The following LNPK variants were observed in gnomAD, a reference collection of about 807,000 sequenced individuals.
The protein encoded by LNPK is endoplasmic reticulum junction formation protein lunapark.
Under a neutral mutation model 55.2 loss-of-function variants are expected in LNPK, and 29 were observed. The ratio of observed to expected loss-of-function variants is 0.53; its 90% CI spans 0.39 to 0.72. LNPK has a LOEUF of 0.72. Among genes scored for constraint, LNPK ranks in the 30% least tolerant of loss-of-function variants. LNPK has a pLI of 0.00. For synonymous variants in LNPK, 162 were observed against 168.2 expected, an observed-to-expected ratio of 0.96 and a Z score of 0.29; for missense variants, 467 against 494.8, an observed-to-expected ratio of 0.94 and a Z score of 0.53.
intron 9 of LNPK, among the ~76,000 whole-genome samples, chr2:175,941,816 A>AAAAGAG (rs1684859505): frequency 6.7e-6 from 1 of 149,098 alleles, no homozygotes. Context: ...AAGAAAAAGA[A>AAAAGAG]AAAGAAGAGA....
intron 8 of LNPK, among the ~76,000 whole-genome samples, chr2:175,957,827 T>C (rs1285160529): frequency 2.0e-5 from 3 of 152,186 alleles, no homozygotes; most frequent in African/African-American, 7.2e-5. Context: ...TCACAGACAC[T>C]ACCTGGAAAA....
intron 4 of LNPK, among the ~76,000 whole-genome samples, chr2:175,984,174 CAAAGAA>C (rs1179002201): frequency 1.4e-5 from 2 of 145,352 alleles, no homozygotes; most frequent in African/African-American, 5.2e-5. Flanking sequence ...ATATATCCAA[CAAAGAA>C]CTTTTTTTTT....
At chr2:175,934,116 G>T (rs149411473) in intron 12 of LNPK, among the ~76,000 whole-genome samples, 1 of 152,166 alleles carries the variant, frequency 6.6e-6, no homozygotes, top group South Asian at 2.1e-4. Context: ...AAAGATCTCT[G>T]TGTCTAAAAC....
chr2:175,967,761 G>A (rs1024080117), intron 6 of LNPK: 7 of 972,562 alleles, frequency 7.2e-6, no homozygotes, highest in Admixed American at 6.2e-5. Context: ...CACAATAATA[G>A]TCACATCTTT....
At chr2:175,994,221 T>A in intron 2 of LNPK, 7 of 975,904 alleles carry the variant, frequency 7.2e-6, no homozygotes, top group Non-Finnish European at 8.5e-6. Context: ...GTTAACCATA[T>A]GAAACTGACA....
chr2:175,989,672 T>C (rs1559072985), intron 4 of LNPK, among the ~76,000 whole-genome samples: 1 of 152,158 alleles, frequency 6.6e-6, no homozygotes, highest in Non-Finnish European at 1.5e-5. Flanking sequence ...CACTACGGTG[T>C]GTAGCCTTAA....
At chr2:175,995,167 G>A (rs751380803) in intron 2 of LNPK, among the ~76,000 whole-genome samples, 1 of 151,884 alleles carries the variant, frequency 6.6e-6, no homozygotes, top group Non-Finnish European at 1.5e-5. Context: ...TGATCTGCCC[G>A]CCTCAGCCTC....
chr2:175,958,290 C>T (rs901301026), intron 8 of LNPK, among the ~76,000 whole-genome samples: 1 of 152,230 alleles, frequency 6.6e-6, no homozygotes, highest in Non-Finnish European at 1.5e-5. Flanking sequence ...TGTAGCCTAA[C>T]TGGGAGACAC....
intron 1 of LNPK, among the ~76,000 whole-genome samples, chr2:175,999,670 T>G (rs1688087665): frequency 6.6e-6 from 1 of 152,172 alleles, no homozygotes; most frequent in African/African-American, 2.4e-5. Flanking sequence ...CTCCAAGAAC[T>G]CTCCCATGAA....
intron 8 of LNPK, among the ~76,000 whole-genome samples, chr2:175,947,929 C>G (rs1027804135): frequency 1.3e-4 from 20 of 152,102 alleles, no homozygotes; most frequent in African/African-American, 4.8e-4. Context: ...CTACTGATAC[C>G]ACTTTTCAAA....
chr2:175,971,379 A>T (rs978931656), intron 5 of LNPK, among the ~76,000 whole-genome samples: 2 of 152,166 alleles, frequency 1.3e-5, no homozygotes, highest in African/African-American at 4.8e-5. Flanking sequence ...GCATGGTGGA[A>T]CAGAAAGAAT....
chr2:175,967,192 CGTTAGT>C (rs1439477923), intron 6 of LNPK, among the ~76,000 whole-genome samples: 1 of 151,978 alleles, frequency 6.6e-6, no homozygotes, highest in African/African-American at 2.4e-5. Context: ...CATCAGCTAT[CGTTAGT>C]GTTAAAGAAT....
chr2:175,929,338 C>CA lies in LNPK; in HGVS notation c.*628dup. ...TAAAAGACATCAAAAAGAAACACTG[C>CA]AGTTGACTGTTTCATTGCATTCTCA... On this transcript the variant is annotated 3_prime_UTR_variant, in exon 13 of 13. Transcript: ENST00000272748. 4 of 985,406 alleles carry CA rather than the reference C, an allele frequency of 4.1e-6. No individual in the cohort carries two copies. Among genetic ancestry groups the CA allele is most frequent in the Non-Finnish European group, 4.8e-6 (4 of 829,546 alleles). 61.0% of individuals were successfully genotyped at this position (985,406 alleles called of 1,614,324 possible).
intron 5 of LNPK, among the ~76,000 whole-genome samples, chr2:175,975,737 G>A (rs936393880): frequency 3.3e-5 from 5 of 152,166 alleles, no homozygotes; most frequent in Non-Finnish European, 5.9e-5. Flanking sequence ...CCAGCTGGGC[G>A]CAGTGGCCCA....
At chr2:175,933,714 A>AT (rs1574802028) in intron 12 of LNPK, among the ~76,000 whole-genome samples, 1 of 149,876 alleles carries the variant, frequency 6.7e-6, no homozygotes, top group East Asian at 2.0e-4. Flanking sequence ...TGAGCAAATC[A>AT]ATTAGACAAG....
rs2105642214 is a variant in LNPK at position 175,967,721 on chromosome 2, T to C, written c.357+3043A>G. On this transcript the variant is annotated intron_variant, in intron 6 of 12. Transcript: ENST00000272748. ...ATGATGCTTTTACTAATTCAGATGT[T>C]ATATCATTTTCTTTCATATAAGAGT... The C allele has an allele frequency of 3.1e-6, 3 of 974,580 alleles. No homozygotes were observed. In the African/African-American group the frequency reaches 5.2e-5, roughly 17 times the overall value. The allele number at this position is 974,580 out of a possible 1,614,324, so 60.4% of individuals were successfully genotyped here. A position where few individuals can be genotyped will look rare whatever the true frequency, so the allele number is the denominator to read the frequency against.
chr2:175,980,187 T>A (rs183890084), intron 4 of LNPK, among the ~76,000 whole-genome samples: 1 of 152,186 alleles, frequency 6.6e-6, no homozygotes, highest in Non-Finnish European at 1.5e-5. Context: ...CCGCAAAAGA[T>A]TGAGAATATT....
chr2:175,927,235 T>G lies in LNPK; in HGVS notation c.*2732A>C, dbSNP rs1684051734. The G allele has an allele frequency of 6.6e-6, 1 of 152,226 alleles. No individual in the cohort carries two copies. The highest frequency in any genetic ancestry group is 2.4e-5 in the African/African-American group (1 of 41,458). 9.4% of individuals were successfully genotyped at this position (152,226 alleles called of 1,614,324 possible). A position where few individuals can be genotyped will look rare whatever the true frequency, so the allele number is the denominator to read the frequency against. ...AGCAGTGAAACAAGAACTGAGAGTTTTCACTGGATTTGGCAACAAAGTATT... is the reference window on the plus strand; with the variant it reads ...AGCAGTGAAACAAGAACTGAGAGTTGTCACTGGATTTGGCAACAAAGTATT... On this transcript the variant is annotated 3_prime_UTR_variant, in exon 13 of 13. Coordinates refer to ENST00000272748, the MANE Select transcript of LNPK (RefSeq NM_030650.3).
At chr2:175,945,101 G>C (rs957634548) in intron 9 of LNPK, among the ~76,000 whole-genome samples, 3 of 151,730 alleles carry the variant, frequency 2.0e-5, no homozygotes, top group Non-Finnish European at 4.4e-5. Flanking sequence ...GTTTCACCGC[G>C]TTAGTCAGGC....
Sources: gnomAD v4.1 joint callset for allele counts (sites outside exome capture counted in the v4.1 genomes callset) on GRCh38, gnomAD v4.1.1 for gene constraint, MANE v1.5 for transcripts, NCBI Gene and HGNC (gene_info 2026-07-23, HGNC 2026-07-21) for gene names.